Variants in KLHL29 observed in about 807,000 individuals in gnomAD.
KLHL29 encodes the protein kelch-like protein 29.
Under a neutral mutation model 80.4 loss-of-function variants are expected in KLHL29, and 21 were observed. The observed-to-expected ratio is 0.26, with a 90% CI of 0.19 to 0.38. The LOEUF is 0.38. Ranked by LOEUF, KLHL29 falls within the 10% of genes least tolerant of loss-of-function variation. The pLI is 1.00. For missense variants in KLHL29, 867 were observed against 1,223.9 expected (o/e 0.71, Z 4.35); for synonymous variants, 511 against 526.8 (o/e 0.97, Z 0.41).
At chr2:23,410,434 A>G (rs1343670749) in intron 1 of KLHL29, among the ~76,000 whole-genome samples, 2 of 152,076 alleles carry the variant, frequency 1.3e-5, no homozygotes, top group African/African-American at 2.4e-5. Flanking sequence ...GGAACAGTGG[A>G]AGGGGTCAGG....
chr2:23,573,782 G>A (rs1367631461), intron 3 of KLHL29, among the ~76,000 whole-genome samples: 1 of 152,204 alleles, frequency 6.6e-6, no homozygotes, highest in South Asian at 2.1e-4. Flanking sequence ...TAGCACTCCG[G>A]TGCATGATGC....
intron 1 of KLHL29, among the ~76,000 whole-genome samples, chr2:23,465,467 C>T (rs532296197): frequency 1.3e-5 from 2 of 152,306 alleles, no homozygotes; most frequent in East Asian, 3.9e-4. Flanking sequence ...AGGCAGGAGG[C>T]AATGCATAAA....
chr2:23,571,445 G>A (rs1294375824), intron 3 of KLHL29, among the ~76,000 whole-genome samples: 1 of 152,194 alleles, frequency 6.6e-6, no homozygotes, highest in Non-Finnish European at 1.5e-5. Context: ...TTCTGTTCCA[G>A]GTATCCACCA....
At chr2:23,484,986 C>T (rs191734655) in intron 2 of KLHL29, among the ~76,000 whole-genome samples, 120 of 151,784 alleles carry the variant, frequency 7.9e-4, no homozygotes, top group African/African-American at 2.8e-3. Flanking sequence ...ATTCTCTCTC[C>T]TCTGATGCCA....
intron 2 of KLHL29, among the ~76,000 whole-genome samples, chr2:23,485,019 AC>A (rs1046099841): frequency 2.6e-5 from 4 of 151,978 alleles, no homozygotes; most frequent in Non-Finnish European, 5.9e-5. Flanking sequence ...TCTCCCTGGC[AC>A]CCTTGTAGTA....
At chr2:23,512,609 G>A (rs1257392324) in intron 2 of KLHL29, among the ~76,000 whole-genome samples, 2 of 152,216 alleles carry the variant, frequency 1.3e-5, no homozygotes, top group Admixed American at 1.3e-4. Flanking sequence ...GATGTTCTGC[G>A]AATTTACTTC....
intron 3 of KLHL29, among the ~76,000 whole-genome samples, chr2:23,590,968 G>A (rs1572421892): frequency 6.6e-6 from 1 of 152,210 alleles, no homozygotes; most frequent in African/African-American, 2.4e-5. Context: ...GAAAGCCGAT[G>A]ACAAAATAAG....
At chr2:23,527,411 C>T (rs956510423) in intron 2 of KLHL29, among the ~76,000 whole-genome samples, 13 of 152,230 alleles carry the variant, frequency 8.5e-5, no homozygotes, top group African/African-American at 2.4e-4. Flanking sequence ...GCAAAAGCCC[C>T]GCCATGCTGT....
At chr2:23,699,519 G>A (rs1040168544) in intron 11 of KLHL29, among the ~76,000 whole-genome samples, 1 of 152,204 alleles carries the variant, frequency 6.6e-6, no homozygotes, top group Admixed American at 6.5e-5. Context: ...ACATCCCAGT[G>A]ACCTGGCCAG....
At chr2:23,612,770 T>A (rs1429626871) in intron 3 of KLHL29, among the ~76,000 whole-genome samples, 1 of 151,950 alleles carries the variant, frequency 6.6e-6, no homozygotes, top group Non-Finnish European at 1.5e-5. Flanking sequence ...AAAGAAAGCC[T>A]GCACTGAAGG....
At chr2:23,527,962 ACC>A (rs2103475499) in intron 2 of KLHL29, among the ~76,000 whole-genome samples, 1 of 150,632 alleles carries the variant, frequency 6.6e-6, no homozygotes, top group African/African-American at 2.4e-5. Context: ...CATCACCACC[ACC>A]CCTCTGGGAC....
intron 3 of KLHL29, among the ~76,000 whole-genome samples, chr2:23,610,841 C>T (rs937695295): frequency 1.3e-5 from 2 of 152,254 alleles, no homozygotes; most frequent in Non-Finnish European, 2.9e-5. Flanking sequence ...TAAATATTTG[C>T]AGCAGTAAAG....
At chr2:23,522,861 G>A (rs1190937641) in intron 2 of KLHL29, among the ~76,000 whole-genome samples, 1 of 152,214 alleles carries the variant, frequency 6.6e-6, no homozygotes, top group African/African-American at 2.4e-5. Flanking sequence ...AGTTTACAGA[G>A]TAAGCCCAGC....
At chr2:23,465,206 A>G (rs1664314943) in intron 1 of KLHL29, among the ~76,000 whole-genome samples, 1 of 152,188 alleles carries the variant, frequency 6.6e-6, no homozygotes, top group African/African-American at 2.4e-5. Flanking sequence ...GATCCCAGAG[A>G]ACAAAGCCAC....
rs752339458 is a variant in KLHL29 at position 23,684,398 on chromosome 2, G to A, written c.941-1G>A. 6.6e-7 allele frequency: 1 copy of A among 1,524,454 alleles called. No homozygotes were observed. The allele number at this position is 1,524,454 out of a possible 1,614,324, so 94.4% of individuals were successfully genotyped here. A position where few individuals can be genotyped will look rare whatever the true frequency, so the allele number is the denominator to read the frequency against. On this transcript the variant is annotated splice_acceptor_variant, in intron 5 of 13. Transcript: ENST00000486442. LOFTEE classifies it high-confidence loss of function. The surrounding 1 kb of genome is among the most constrained non-coding windows in gnomAD (Gnocchi z 4.4). The stretch of plus-strand genomic sequence containing the variant: ...CCCTGTCTGTCTTCTCTGTTCTGCA[G>A]AAATGTTGAAGGAATTGAACCAGCA...
At chr2:23,631,239 C>G (rs1055265065) in intron 3 of KLHL29, among the ~76,000 whole-genome samples, 1 of 152,166 alleles carries the variant, frequency 6.6e-6, no homozygotes, top group Admixed American at 6.5e-5. Flanking sequence ...CACCCAGGCT[C>G]TCAGCAGGCT....
At chr2:23,429,707 T>C (rs1429006295) in intron 1 of KLHL29, among the ~76,000 whole-genome samples, 1 of 151,470 alleles carries the variant, frequency 6.6e-6, no homozygotes, top group Admixed American at 6.6e-5. Flanking sequence ...TGAGCTGAGA[T>C]CGTGCCACTG....
chr2:23,523,456 T>C (rs1269476816), intron 2 of KLHL29, among the ~76,000 whole-genome samples: 1 of 152,222 alleles, frequency 6.6e-6, no homozygotes, highest in Non-Finnish European at 1.5e-5. Flanking sequence ...CATAATACAG[T>C]AAGTATGTTA....
chr2:23,499,243 G>A (rs1665361595), intron 2 of KLHL29, among the ~76,000 whole-genome samples: 1 of 152,130 alleles, frequency 6.6e-6, no homozygotes, highest in South Asian at 2.1e-4. Flanking sequence ...TCCTGCCCAT[G>A]CTGGTGGGAT....
Sources: allele counts gnomAD v4.1 joint callset (sites outside exome capture counted in the v4.1 genomes callset), GRCh38; gene constraint gnomAD v4.1.1; non-coding constraint Gnocchi (gnomAD v3.1); transcripts MANE v1.5; gene names NCBI Gene and HGNC (gene_info 2026-07-23, HGNC 2026-07-21).